MAST1: variants seen among roughly 807,000 people sequenced by gnomAD.
The protein encoded by MAST1 is microtubule associated serine/threonine kinase 1.
MAST1 carries 40 observed loss-of-function variants against 124.6 expected under a neutral mutation model. The observed-to-expected ratio is 0.32, with a 90% CI of 0.25 to 0.42. The LOEUF is 0.42. Ranked by LOEUF, MAST1 falls within the 10% of genes least tolerant of loss-of-function variation. The pLI is 1.00. For synonymous variants in MAST1, 938 were observed against 939.4 expected (o/e 1.00, Z 0.03); for missense variants, 1,558 against 2,181.9 (o/e 0.71, Z 5.70).
At chr19:12,873,168 A>C (rs1970259600) in intron 24 of MAST1, 156 bp from the exon 25 acceptor site, 4 of 684,412 alleles carry the variant, frequency 5.8e-6, no homozygotes, top group African/African-American at 1.8e-5. Context: ...AGCAGCACTG[A>C]GCTAAAGGAA....
At position 12,847,381 on chromosome 19, in the gene MAST1, C is replaced by A; in HGVS notation, c.419C>A (p.Thr140Asn). 1 of 1,614,024 alleles carries A rather than the reference C, an allele frequency of 6.2e-7. No individual in the cohort carries two copies. The stretch of plus-strand genomic sequence containing the variant: ...TTCCTCTCCAAACACTTCGGGAGCA[C>A]CGAGAGCATCACAGACGAGGATGGT... ...LHFLSKHFGSTESITDEDGGR... is the reference protein window; with the variant it reads ...LHFLSKHFGSNESITDEDGGR... The change falls in exon 5 of 26, where the codon ACC (threonine) becomes AAC (asparagine). Residue 140 changes from threonine (T) to asparagine (N), a missense_variant. Coordinates refer to ENST00000251472, the MANE Select transcript of MAST1 (RefSeq NM_014975.3). This position sits in a 1 kb window ranked among gnomAD's most constrained non-coding sequence, Gnocchi z 5.5.
In MAST1 at chr19:12,843,658, C is replaced by T; in HGVS notation, c.327+51C>T. 1.3e-6 allele frequency: 2 copies of T among 1,548,520 alleles called. No homozygotes were observed. The highest frequency in any genetic ancestry group is 1.8e-6 in the Non-Finnish European group (2 of 1,127,662). ...GCCGGTGGGTAAGGAATTCAGGGGC[C>T]CTCCAGCCTGAAGACCCACACCCAG... is the stretch of plus-strand genomic sequence containing the variant. On this transcript the variant is annotated intron_variant, in intron 4 of 25. Coordinates refer to ENST00000251472, the MANE Select transcript of MAST1 (RefSeq NM_014975.3). This position sits in a 1 kb window ranked among gnomAD's most constrained non-coding sequence, Gnocchi z 4.9.
At chr19:12,844,555 G>A (rs959213103) in intron 4 of MAST1, among the ~76,000 whole-genome samples, 1 of 152,164 alleles carries the variant, frequency 6.6e-6, no homozygotes, top group African/African-American at 2.4e-5. Flanking sequence ...GGGTTGTCAA[G>A]GAAGGCTTCC....
At chr19:12,864,411 A>T (rs1016953409) in intron 12 of MAST1, among the ~76,000 whole-genome samples, 2 of 150,654 alleles carry the variant, frequency 1.3e-5, no homozygotes, top group Admixed American at 6.6e-5. Flanking sequence ...AAAAAAAAAA[A>T]TCTAGTGAAG....
chr19:12,873,131 G>T, intron 24 of MAST1, 193 bp from the exon 25 acceptor site: 1 of 603,248 alleles, frequency 1.7e-6, no homozygotes, highest in African/African-American at 1.9e-5. Flanking sequence ...CAAAGGGGGT[G>T]GGTGGGGACT....
chr19:12,869,071 C>T lies in MAST1; in HGVS notation c.2779C>T (p.Pro927Ser), dbSNP rs200101413. 71 of 1,612,942 alleles carry T rather than the reference C, an allele frequency of 4.4e-5. 1 individual carries two copies. The East Asian group carries it at 1.1e-3, about 25-fold the overall frequency. Residue 927 changes from proline (P) to serine (S), a missense_variant, in exon 22 of 26, where the codon CCA becomes TCA. By Grantham distance (74) the Pro-to-Ser change is moderately conservative. Transcript: ENST00000251472. ...CCATGGTTGTGTGTCTGTAGTGGAC[C>T]CACATGGAAGTTCACCCCTTGCTAG... ...ALSVMIPAVDPHGSSPLASPM... is the reference protein window; with the variant it reads ...ALSVMIPAVDSHGSSPLASPM...
chr19:12,872,445 G>T (rs1599593092), intron 24 of MAST1, among the ~76,000 whole-genome samples: 1 of 152,044 alleles, frequency 6.6e-6, no homozygotes, highest in African/African-American at 2.4e-5. Context: ...GTTTGGATGT[G>T]TTTCTAGCCT....
intron 10 of MAST1, among the ~76,000 whole-genome samples, chr19:12,853,347 C>G (rs997795221): frequency 6.6e-6 from 1 of 151,744 alleles, no homozygotes; most frequent in Non-Finnish European, 1.5e-5. Flanking sequence ...CTTTGGGAGG[C>G]CAAGGCAGGA....
Position 12,847,665 on chromosome 19 carries a change from T to A in MAST1, c.542T>A (p.Val181Asp), listed in dbSNP as rs1969910393. 6.2e-7 allele frequency: 1 copy of A among 1,613,160 alleles called. No homozygotes were observed. The highest frequency in any genetic ancestry group is 1.3e-5 in the African/African-American group (1 of 74,632). The change falls in exon 6 of 26, where the codon GTC becomes GAC. Residue 181 changes from valine to aspartate, a missense_variant. Physicochemically the swap from Val to Asp is radical, Grantham distance 152. Coordinates refer to ENST00000251472, the MANE Select transcript of MAST1 (RefSeq NM_014975.3). The surrounding 1 kb of genome is among the most constrained non-coding windows in gnomAD (Gnocchi z 5.5). ...AACGAGATCGTGATGATGAATCACG[T>A]CTACAAGGAGAGGTTCCCGAAGGTG... ...YDNEIVMMNHVYKERFPKATA... is the reference protein window; with the variant it reads ...YDNEIVMMNHDYKERFPKATA...
At chr19:12,854,150 T>G (rs1194901812) in intron 10 of MAST1, among the ~76,000 whole-genome samples, 1 of 139,080 alleles carries the variant, frequency 7.2e-6, no homozygotes, top group Non-Finnish European at 1.5e-5. Context: ...TGAGACAGAA[T>G]TTCACTCTTG....
Position 12,873,454 on chromosome 19 carries a change from C to T in MAST1, c.3394C>T (p.Leu1132=), listed in dbSNP as rs1970265406. ...TCTCCCGGGCTCGCCTACGCACGGG[C>T]TGCCGGCGCGCTCGCCCACGCACAG... The part of the protein sequence containing the change: ...DSLPGSPTHG[L]PARSPTHSYR... The change falls in exon 25 of 26, where the codon CTG becomes TTG. Residue 1132 remains leucine, a synonymous_variant. Transcript: ENST00000251472. 1 of 1,611,268 alleles carries T rather than the reference C, an allele frequency of 6.2e-7. No individual in the cohort carries two copies. Among genetic ancestry groups the T allele is most frequent in the Non-Finnish European group, 8.5e-7 (1 of 1,179,804 alleles).
chr19:12,863,215 A>G (rs1390332850), intron 12 of MAST1, among the ~76,000 whole-genome samples: 1 of 151,518 alleles, frequency 6.6e-6, no homozygotes, highest in African/African-American at 2.4e-5. Flanking sequence ...AAGATAATCC[A>G]TTTGGCTCTT....
In MAST1 at chr19:12,874,470, TAGAGCCTGCGCGGCCCGGGGCTA is replaced by T; in HGVS notation, c.4316_4338del (p.Glu1439GlyfsTer104). ...GGCACACCCCTGGTACCCATTGTCG[TAGAGCCTGCGCGGCCCGGGGCTA>T]AGGCTGTGGTGCCTCAGCCTCTGGG... On this transcript the variant is annotated frameshift_variant, in exon 26 of 26. Transcript: ENST00000251472. LOFTEE classifies it low-confidence loss of function (END_TRUNC). This position sits in a 1 kb window ranked among gnomAD's most constrained non-coding sequence, Gnocchi z 6.6. 1 of 1,585,158 alleles carries T rather than the reference TAGAGCCTGCGCGGCCCGGGGCTA, an allele frequency of 6.3e-7. No homozygotes were observed. Among genetic ancestry groups the T allele is most frequent in the Non-Finnish European group, 8.5e-7 (1 of 1,170,732 alleles).
chr19:12,874,570 CGAGGCCCCCCGGGGCCGG>C lies in MAST1; in HGVS notation c.4417_4434del (p.Ala1473_Glu1478del). ...CCGCACCCCTGGCGCCTTCCGTGCC[CGAGGCCCCCCGGGGCCGG>C]GAGCGCTGGGTGTTGGAGGTGGTGG... On this transcript the variant is annotated inframe_deletion, in exon 26 of 26. Coordinates refer to ENST00000251472, the MANE Select transcript of MAST1 (RefSeq NM_014975.3). This position sits in a 1 kb window ranked among gnomAD's most constrained non-coding sequence, Gnocchi z 6.6. The C allele has an allele frequency of 6.6e-7, 1 of 1,506,462 alleles. No individual in the cohort carries two copies. The highest frequency in any genetic ancestry group is 2.3e-5 in the East Asian group (1 of 43,098). The allele number at this position is 1,506,462 out of a possible 1,614,324, so 93.3% of individuals were successfully genotyped here.
At chr19:12,862,704 G>A (rs111298277) in intron 12 of MAST1, among the ~76,000 whole-genome samples, 2,854 of 141,512 alleles carry the variant, frequency 0.02, 41 homozygotes, top group Non-Finnish European at 0.032. Flanking sequence ...GGCTAAACTC[G>A]TTGCCCAGGC....
chr19:12,859,224 C>T (rs556764119), intron 12 of MAST1, among the ~76,000 whole-genome samples: 22 of 151,948 alleles, frequency 1.4e-4, no homozygotes, highest in Admixed American at 4.6e-4. Flanking sequence ...GGATTATGGG[C>T]CTGTGCCACC....
intron 18 of MAST1, among the ~76,000 whole-genome samples, 188 bp from the exon 19 acceptor site, chr19:12,867,286 G>T (rs921982767): frequency 6.6e-6 from 1 of 152,096 alleles, no homozygotes; most frequent in Non-Finnish European, 1.5e-5. Flanking sequence ...AGAATAAAAC[G>T]CAGTGCCTAA....
chr19:12,865,762 CCCAA>C lies in MAST1; in HGVS notation c.1852_1855del (p.Gln618SerfsTer23). 1 of 1,613,874 alleles carries C rather than the reference CCCAA, an allele frequency of 6.2e-7. No individual in the cohort carries two copies. Among genetic ancestry groups the C allele is most frequent in the Non-Finnish European group, 8.5e-7 (1 of 1,179,916 alleles). On this transcript the variant is annotated frameshift_variant, in exon 16 of 26. Transcript: ENST00000251472. LOFTEE classifies it high-confidence loss of function. The surrounding 1 kb of genome is among the most constrained non-coding windows in gnomAD (Gnocchi z 7.1). ...GGGGATGAGGCCCTACCTACGGAGG[CCCAA>C]CTCCTCATATCCAGCCTCCTGCAGA... is the stretch of plus-strand genomic sequence containing the variant.
Position 12,847,714 on chromosome 19 carries a change from G to A in MAST1, c.564+27G>A, listed in dbSNP as rs1379195933. Reference sequence around the variant, plus strand: ...TGAGGTGGGACCCGAGGCGGTCACGGGGTGACCAGGCGGCCTGCACTCTCG... The same window carrying A: ...TGAGGTGGGACCCGAGGCGGTCACGAGGTGACCAGGCGGCCTGCACTCTCG... On this transcript the variant is annotated intron_variant, in intron 6 of 25. Transcript: ENST00000251472. The surrounding 1 kb of genome is among the most constrained non-coding windows in gnomAD (Gnocchi z 5.5). 50 of 1,610,162 alleles carry A rather than the reference G, an allele frequency of 3.1e-5. No homozygotes were observed. The highest frequency in any genetic ancestry group is 4.0e-5 in the Non-Finnish European group (47 of 1,177,552).
Sources: allele counts gnomAD v4.1 joint callset (sites outside exome capture counted in the v4.1 genomes callset), GRCh38; gene constraint gnomAD v4.1.1; non-coding constraint Gnocchi (gnomAD v3.1); transcripts MANE v1.5; gene names NCBI Gene and HGNC (gene_info 2026-07-23, HGNC 2026-07-21).